Variants in PDGFC observed in about 807,000 individuals in gnomAD.
PDGFC encodes the protein platelet derived growth factor C.
In PDGFC, 12 loss-of-function variants were observed where a neutral mutation model predicts 35.5. The observed-to-expected ratio is 0.34, with a 90% CI of 0.22 to 0.55. The LOEUF (loss-of-function observed/expected upper bound fraction) is 0.55, where lower values mean the gene tolerates loss of function less well. Ranked by LOEUF, PDGFC falls within the 20% of genes least tolerant of loss-of-function variation. PDGFC has a pLI of 0.91. For synonymous variants in PDGFC, 159 were observed against 148.8 expected, an observed-to-expected ratio of 1.07 and a Z score of -0.50; for missense variants, 322 against 412.4, an observed-to-expected ratio of 0.78 and a Z score of 1.90.
At chr4:156,913,471 A>T (rs980332149) in intron 1 of PDGFC, among the ~76,000 whole-genome samples, 5 of 152,226 alleles carry the variant, frequency 3.3e-5, no homozygotes, top group Non-Finnish European at 5.9e-5. Context: ...AGTGACAACC[A>T]ATGAACTACG....
At chr4:156,894,305 T>C (rs1730580824) in intron 1 of PDGFC, among the ~76,000 whole-genome samples, 1 of 152,166 alleles carries the variant, frequency 6.6e-6, no homozygotes, top group Admixed American at 6.6e-5. Context: ...TAGGATTTTA[T>C]CATCTAGATT....
intron 3 of PDGFC, 94 bp downstream of exon 3, chr4:156,810,743 A>AT (rs1228658745): frequency 3.8e-5 from 31 of 825,028 alleles, no homozygotes; most frequent in Admixed American, 5.5e-5. Flanking sequence ...TTGTTTTCTG[A>AT]TTTTTTTTCT....
intron 1 of PDGFC, among the ~76,000 whole-genome samples, chr4:156,959,894 C>T (rs543062629): frequency 2.0e-5 from 3 of 151,966 alleles, no homozygotes; most frequent in South Asian, 2.1e-4. Flanking sequence ...GGTGCCCAAC[C>T]GATGCCTATT....
chr4:156,926,420 G>A (rs1731415981), intron 1 of PDGFC, among the ~76,000 whole-genome samples: 1 of 152,110 alleles, frequency 6.6e-6, no homozygotes, highest in Non-Finnish European at 1.5e-5. Context: ...CCTGGCAAGG[G>A]CTCCACTCTC....
intron 1 of PDGFC, among the ~76,000 whole-genome samples, chr4:156,914,602 C>G (rs555472802): frequency 6.6e-6 from 1 of 152,328 alleles, no homozygotes; most frequent in South Asian, 2.1e-4. Context: ...AGCCTATCCA[C>G]TAGGTTACTC....
chr4:156,948,724 A>T (rs565281774), intron 1 of PDGFC, among the ~76,000 whole-genome samples: 1 of 152,000 alleles, frequency 6.6e-6, no homozygotes, highest in Non-Finnish European at 1.5e-5. Context: ...TAGATGAAAT[A>T]CTTACAACAT....
At chr4:156,848,689 A>G (rs1353565983) in intron 2 of PDGFC, among the ~76,000 whole-genome samples, 1 of 152,038 alleles carries the variant, frequency 6.6e-6, no homozygotes, top group African/African-American at 2.4e-5. Flanking sequence ...GGAATTAACT[A>G]TTTTTGTAAG....
chr4:156,874,389 G>C (rs544775686), intron 1 of PDGFC, among the ~76,000 whole-genome samples: 50 of 152,108 alleles, frequency 3.3e-4, no homozygotes, highest in Middle Eastern at 3.4e-3. Context: ...AGCTAGTTTT[G>C]AGCACTCCAA....
chr4:156,782,380 A>T (rs557906696), intron 3 of PDGFC, among the ~76,000 whole-genome samples: 16 of 152,320 alleles, frequency 1.1e-4, no homozygotes, highest in African/African-American at 3.8e-4. Flanking sequence ...CCACCATGTC[A>T]CTGGTATCTT....
chr4:156,958,598 T>G (rs1732267082), intron 1 of PDGFC, among the ~76,000 whole-genome samples: 1 of 152,048 alleles, frequency 6.6e-6, no homozygotes, highest in Non-Finnish European at 1.5e-5. Flanking sequence ...TGAATAAATG[T>G]TATGGTATCA....
At chr4:156,869,272 T>TA (rs1007792808) in intron 1 of PDGFC, among the ~76,000 whole-genome samples, 63 of 152,030 alleles carry the variant, frequency 4.1e-4, no homozygotes, top group African/African-American at 1.5e-3. Flanking sequence ...TCATCTCTAC[T>TA]AAAAATACAA....
At chr4:156,769,439 A>G (rs1730632440) in intron 4 of PDGFC, among the ~76,000 whole-genome samples, 1 of 151,928 alleles carries the variant, frequency 6.6e-6, no homozygotes, top group South Asian at 2.1e-4. Flanking sequence ...TGCATAGGTA[A>G]TTGTAAATTA....
intron 1 of PDGFC, among the ~76,000 whole-genome samples, chr4:156,949,984 C>G (rs188458561): frequency 4.1e-4 from 63 of 151,962 alleles, no homozygotes; most frequent in African/African-American, 1.5e-3. Flanking sequence ...ACAGCATGTC[C>G]AACAACCACC....
At chr4:156,833,430 C>A (rs1300515957) in intron 2 of PDGFC, among the ~76,000 whole-genome samples, 1 of 152,172 alleles carries the variant, frequency 6.6e-6, no homozygotes, top group Non-Finnish European at 1.5e-5. Context: ...TTGCACCAAT[C>A]TTAAAATATT....
intron 3 of PDGFC, among the ~76,000 whole-genome samples, chr4:156,786,277 G>T (rs1731124263): frequency 2.6e-5 from 4 of 152,124 alleles, no homozygotes; most frequent in African/African-American, 9.7e-5. Context: ...AACAGACCAT[G>T]CACAACATAA....
chr4:156,801,590 G>A (rs1361230978), intron 3 of PDGFC, among the ~76,000 whole-genome samples: 5 of 152,178 alleles, frequency 3.3e-5, no homozygotes, highest in Non-Finnish European at 5.9e-5. Flanking sequence ...GCCATTTATA[G>A]AGCATGGCAC....
At chr4:156,796,558 A>C (rs995640398) in intron 3 of PDGFC, among the ~76,000 whole-genome samples, 17 of 147,406 alleles carry the variant, frequency 1.2e-4, no homozygotes, top group African/African-American at 4.3e-4. Context: ...ATAAAACTTA[A>C]GTAAGTTCTT....
intron 1 of PDGFC, among the ~76,000 whole-genome samples, chr4:156,933,200 T>C (rs73856795): frequency 6.6e-4 from 100 of 152,380 alleles, no homozygotes; most frequent in African/African-American, 2.3e-3. Context: ...ATTAGCTGTA[T>C]GTTCTTGTCA....
intron 1 of PDGFC, among the ~76,000 whole-genome samples, chr4:156,958,386 T>G (rs1732260147): frequency 6.6e-6 from 1 of 151,948 alleles, no homozygotes; most frequent in Non-Finnish European, 1.5e-5. Context: ...CACCATTGTC[T>G]GTTGTTTTTT....
Sources: allele counts gnomAD v4.1 joint callset (sites outside exome capture counted in the v4.1 genomes callset), GRCh38; gene constraint gnomAD v4.1.1; transcripts MANE v1.5; gene names NCBI Gene and HGNC (gene_info 2026-07-23, HGNC 2026-07-21).